Variants in CCND3 observed in about 807,000 individuals in gnomAD.
CCND3 encodes the protein G1/S-specific cyclin-D3.
A neutral mutation model predicts 28.7 loss-of-function variants in CCND3; 9 were observed. The ratio of observed to expected loss-of-function variants is 0.31; its 90% CI spans 0.19 to 0.55. The LOEUF (loss-of-function observed/expected upper bound fraction) is 0.55, where lower values mean the gene tolerates loss of function less well. Ranked by LOEUF, CCND3 falls within the 20% of genes least tolerant of loss-of-function variation. CCND3 has a pLI of 0.93. For synonymous variants in CCND3, 164 were observed against 163.9 expected, an observed-to-expected ratio of 1.00 and a Z score of 0.00; for missense variants, 315 against 385.8, an observed-to-expected ratio of 0.82 and a Z score of 1.54.
Position 41,939,577 on chromosome 6 carries a change from G to A in CCND3, c.414+793C>T, listed in dbSNP as rs990588415. On this transcript the variant is annotated intron_variant, in intron 2 of 4. Coordinates refer to ENST00000372991, the MANE Select transcript of CCND3 (RefSeq NM_001760.5). This position sits in a 1 kb window ranked among gnomAD's most constrained non-coding sequence, Gnocchi z 4.2. ...GGGAGCCACTTCCCAAACCACAGGA[G>A]TGACAGCAGCTCCCCACAGGGTTAT... 2.0e-5 allele frequency among the ~76,000 whole-genome samples: 3 copies of A among 152,212 alleles called. No individual in the cohort carries two copies. The highest frequency in any genetic ancestry group is 7.2e-5 in the African/African-American group (3 of 41,448).
chr6:41,941,154 G>A lies in CCND3; in HGVS notation c.198+298C>T. 4.1e-6 allele frequency: 6 copies of A among 1,464,666 alleles called. No homozygotes were observed. Among genetic ancestry groups the A allele is most frequent in the Non-Finnish European group, 5.4e-6 (6 of 1,113,436 alleles). The allele number at this position is 1,464,666 out of a possible 1,614,324, so 90.7% of individuals were successfully genotyped here. A position where few individuals can be genotyped will look rare whatever the true frequency, so the allele number is the denominator to read the frequency against. ...AGAAGGCCGGGAGGCGGAGGGAAGC[G>A]GGAGACGCTGTGAGAAGCCGAAGGG... On this transcript the variant is annotated intron_variant, in intron 1 of 4. Transcript: ENST00000372991. The surrounding 1 kb of genome is among the most constrained non-coding windows in gnomAD (Gnocchi z 6.1).
chr6:41,940,969 G>A (rs1022819530), intron 1 of CCND3: 1 of 1,612,846 alleles, frequency 6.2e-7, no homozygotes. Context: ...GAAGGGAGGA[G>A]GCTCCTGCCG....
chr6:41,954,950 A>C (rs1776403518), intron 1 of CCND3, among the ~76,000 whole-genome samples: 1 of 152,160 alleles, frequency 6.6e-6, no homozygotes, highest in African/African-American at 2.4e-5. Flanking sequence ...TGATGTTATT[A>C]AGCTGCTGAA....
rs1764607125 is a variant in CCND3 at position 42,048,325 on chromosome 6, C to A, written c.-46+176G>T. 1 of 326,464 alleles carries A rather than the reference C, an allele frequency of 3.1e-6. No homozygotes were observed. The highest frequency in any genetic ancestry group is 6.1e-6 in the Non-Finnish European group (1 of 165,000). The allele number at this position is 326,464 out of a possible 1,614,324, so 20.2% of individuals were successfully genotyped here. On this transcript the variant is annotated intron_variant, in intron 1 of 4. Transcript: ENST00000372988. The surrounding 1 kb of genome is among the most constrained non-coding windows in gnomAD (Gnocchi z 4.7). ...GGCCTTTGGGGGTTTCTCTGCCCTT[C>A]AATTCCGTGCAGAACACCTCACTCA... is the stretch of plus-strand genomic sequence containing the variant.
rs548994449 is a variant in CCND3, at chr6:42,020,237, G to C, written c.-46+28264C>G. Among the ~76,000 whole-genome samples the C allele has an allele frequency of 2.9e-4, 44 of 152,140 alleles. No individual in the cohort carries two copies. The South Asian group carries it at 9.1e-3, about 32-fold the overall frequency. On this transcript the variant is annotated intron_variant, in intron 1 of 4. Transcript: ENST00000372988. ...GTGGAGCTTGCAGTGAGCAGAGATCGTGCCACTGCACTCCAGCCTGGGCGG... is the reference window on the plus strand; with the variant it reads ...GTGGAGCTTGCAGTGAGCAGAGATCCTGCCACTGCACTCCAGCCTGGGCGG...
At chr6:42,024,874 T>C (rs1413154267) in intron 1 of CCND3, among the ~76,000 whole-genome samples, 2 of 152,022 alleles carry the variant, frequency 1.3e-5, no homozygotes, top group East Asian at 1.9e-4. Flanking sequence ...GCCTGACTAA[T>C]AGAGAGAAAC....
chr6:42,021,954 G>A (rs1763723671), intron 1 of CCND3, among the ~76,000 whole-genome samples: 1 of 152,190 alleles, frequency 6.6e-6, no homozygotes, highest in South Asian at 2.1e-4. Context: ...AAGGAGGCTG[G>A]CAGCCACAGG....
chr6:41,959,679 TAA>T, intron 1 of CCND3, among the ~76,000 whole-genome samples: 2 of 147,214 alleles, frequency 1.4e-5, no homozygotes, highest in South Asian at 2.2e-4. Context: ...ACAGCAAGAC[TAA>T]ATCAGGCCAG....
At chr6:41,953,410 C>T (rs1776364518) in intron 1 of CCND3, among the ~76,000 whole-genome samples, 1 of 152,006 alleles carries the variant, frequency 6.6e-6, no homozygotes, top group Admixed American at 6.6e-5. Flanking sequence ...AGGGGGATAA[C>T]AAGACTACTT....
At chr6:42,043,328 G>A (rs1450492788) in intron 1 of CCND3, among the ~76,000 whole-genome samples, 3 of 152,230 alleles carry the variant, frequency 2.0e-5, no homozygotes, top group African/African-American at 7.2e-5. Context: ...CTGAGGTCAG[G>A]AATTCAAGAC....
At chr6:41,950,642 C>A (rs554689644) in intron 1 of CCND3, among the ~76,000 whole-genome samples, 1 of 152,116 alleles carries the variant, frequency 6.6e-6, no homozygotes, top group African/African-American at 2.4e-5. Context: ...TTCCATACAT[C>A]AGGCAGGCCT....
intron 1 of CCND3, among the ~76,000 whole-genome samples, chr6:41,984,765 T>G (rs1371115947): frequency 6.6e-6 from 1 of 152,182 alleles, no homozygotes; most frequent in Non-Finnish European, 1.5e-5. Flanking sequence ...TCCACACCCT[T>G]GTCAATGTTT....
chr6:42,034,487 TTTTTTTTTTG>T (rs1764143480), intron 1 of CCND3, among the ~76,000 whole-genome samples: 3 of 128,054 alleles, frequency 2.3e-5, no homozygotes, highest in African/African-American at 9.1e-5. Context: ...TTTTTTTTTT[TTTTTTTTTTG>T]AGATGGAGTC....
intron 1 of CCND3, among the ~76,000 whole-genome samples, chr6:42,036,306 T>A (rs561758607): frequency 1.5e-5 from 2 of 130,674 alleles, no homozygotes; most frequent in Admixed American, 8.1e-5. Context: ...AAATTATTAT[T>A]TATATATATA....
At chr6:42,008,115 T>G (rs1027352104) in intron 1 of CCND3, among the ~76,000 whole-genome samples, 1 of 152,108 alleles carries the variant, frequency 6.6e-6, no homozygotes, top group Non-Finnish European at 1.5e-5. Context: ...GCGCGGTGGC[T>G]CACACCTGTA....
chr6:42,033,518 G>A (rs889796745), intron 1 of CCND3, among the ~76,000 whole-genome samples: 1 of 150,632 alleles, frequency 6.6e-6, no homozygotes, highest in African/African-American at 2.4e-5. Flanking sequence ...ACACATAGAT[G>A]TGTGTTTGTA....
chr6:42,000,667 A>C (rs943924604), intron 1 of CCND3, among the ~76,000 whole-genome samples: 2 of 135,304 alleles, frequency 1.5e-5, no homozygotes, highest in African/African-American at 5.5e-5. Context: ...TCCCAGGTTC[A>C]AGCGATTCCC....
At chr6:42,040,868 CA>C (rs142222742) in intron 1 of CCND3, among the ~76,000 whole-genome samples, 7 of 122,580 alleles carry the variant, frequency 5.7e-5, no homozygotes, top group Admixed American at 1.6e-4. Context: ...AACAAACAAA[CA>C]AAAAAAAAAC....
At chr6:41,981,595 C>T (rs1344959878) in intron 1 of CCND3, among the ~76,000 whole-genome samples, 1 of 151,960 alleles carries the variant, frequency 6.6e-6, no homozygotes, top group African/African-American at 2.4e-5. Flanking sequence ...GTGTTCTCGG[C>T]TTACTGCAAC....
Sources: gnomAD v4.1 joint callset for allele counts (sites outside exome capture counted in the v4.1 genomes callset) on GRCh38, gnomAD v4.1.1 for gene constraint, Gnocchi (gnomAD v3.1) non-coding constraint, MANE v1.5 for transcripts, NCBI Gene and HGNC (gene_info 2026-07-23, HGNC 2026-07-21) for gene names.